Variants in RGS7 observed in about 807,000 individuals in gnomAD.
The protein encoded by RGS7 is regulator of G protein signaling 7.
Under a neutral mutation model 81.1 loss-of-function variants are expected in RGS7, and 27 were observed. The ratio of observed to expected loss-of-function variants is 0.33; its 90% CI spans 0.25 to 0.46. The LOEUF is 0.46. Ranked by LOEUF, RGS7 falls within the 20% of genes least tolerant of loss-of-function variation. The pLI is 1.00. For synonymous variants in RGS7, 208 were observed against 207.7 expected (o/e 1.00, Z -0.01); for missense variants, 396 against 607.4 (o/e 0.65, Z 3.66).
At chr1:241,290,308 T>A (rs2079023305) in intron 2 of RGS7, among the ~76,000 whole-genome samples, 1 of 152,214 alleles carries the variant, frequency 6.6e-6, no homozygotes, top group East Asian at 1.9e-4. Flanking sequence ...AAAGAACGTG[T>A]GCATATTTCC....
intron 18 of RGS7, among the ~76,000 whole-genome samples, chr1:240,779,727 G>A (rs1683653474): frequency 6.6e-6 from 1 of 152,164 alleles, no homozygotes; most frequent in Non-Finnish European, 1.5e-5. Context: ...TTCCTCATCT[G>A]TAAAATGAGG....
At chr1:241,134,225 C>T (rs888438180) in intron 2 of RGS7, among the ~76,000 whole-genome samples, 1 of 152,220 alleles carries the variant, frequency 6.6e-6, no homozygotes, top group South Asian at 2.1e-4. Flanking sequence ...CAACGAAGAA[C>T]AGCCATCCTC....
chr1:241,126,148 A>ATTTAT (rs769195465), intron 2 of RGS7, among the ~76,000 whole-genome samples: 1 of 146,446 alleles, frequency 6.8e-6, no homozygotes, highest in African/African-American at 2.5e-5. Context: ...TTATTTATTT[A>ATTTAT]TTATTATTAT....
At chr1:241,074,779 C>A (rs1265397351) in intron 3 of RGS7, among the ~76,000 whole-genome samples, 1 of 152,066 alleles carries the variant, frequency 6.6e-6, no homozygotes, top group Non-Finnish European at 1.5e-5. Context: ...CAAAGGAAAT[C>A]CAAGGAAATG....
At chr1:241,197,253 T>TAATCTCAAAGTAGATGG (rs2073150697) in intron 2 of RGS7, among the ~76,000 whole-genome samples, 2 of 36,120 alleles carry the variant, frequency 5.5e-5, no homozygotes, top group East Asian at 1.0e-3. Flanking sequence ...CAAAGTATCT[T>TAATCTCAAAGTAGATGG]TTTTTTTTTT....
chr1:241,072,357 C>A (rs1558675882), intron 3 of RGS7, among the ~76,000 whole-genome samples: 5 of 152,162 alleles, frequency 3.3e-5, no homozygotes, highest in Non-Finnish European at 7.3e-5. Flanking sequence ...TGGAACATGG[C>A]ATGATGAGCA....
intron 13 of RGS7, among the ~76,000 whole-genome samples, chr1:240,812,561 G>C (rs1474898884): frequency 6.6e-6 from 1 of 151,148 alleles, no homozygotes; most frequent in Non-Finnish European, 1.5e-5. Context: ...CAGCCTCCCG[G>C]GTAGCTGGTA....
chr1:241,265,019 G>A lies in RGS7; in HGVS notation c.78+90680C>T, dbSNP rs530426867. Among the ~76,000 whole-genome samples, 11 of 152,306 alleles carry A rather than the reference G, an allele frequency of 7.2e-5. No homozygotes were observed. The South Asian group carries it at 2.1e-3, about 29-fold the overall frequency. On this transcript the variant is annotated intron_variant, in intron 2 of 18. Transcript: ENST00000440928. ...GCCCAGTTTCTGCTTTTCTCTGAGTGGCGGCCTTCAGTTCCCTTCCAGCCC... is the reference window on the plus strand; with the variant it reads ...GCCCAGTTTCTGCTTTTCTCTGAGTAGCGGCCTTCAGTTCCCTTCCAGCCC...
intron 6 of RGS7, among the ~76,000 whole-genome samples, chr1:240,907,112 G>A (rs1374767970): frequency 6.6e-6 from 1 of 152,018 alleles, no homozygotes; most frequent in African/African-American, 2.4e-5. Context: ...CTGTTGAATG[G>A]GATGCTAGAT....
chr1:241,144,970 T>TGTGTGTG lies in RGS7; in HGVS notation c.79-46209_79-46208insCACACAC. Among the ~76,000 whole-genome samples the TGTGTGTG allele has an allele frequency of 6.6e-6, 1 of 151,364 alleles. No individual in the cohort carries two copies. Among genetic ancestry groups the TGTGTGTG allele is most frequent in the African/African-American group, 2.4e-5 (1 of 41,156 alleles). On this transcript the variant is annotated intron_variant, in intron 2 of 18. Coordinates refer to ENST00000440928, the MANE Select transcript of RGS7 (RefSeq NM_001364886.1). This position sits in a 1 kb window ranked among gnomAD's most constrained non-coding sequence, Gnocchi z 4.7. Reference sequence around the variant, plus strand: ...GTGTGTGTGTGTGTGTGTGTTCGTGTTCATTCTTCCTGTTCCTGTTTTCCC... The same window carrying TGTGTGTG: ...GTGTGTGTGTGTGTGTGTGTTCGTGTGTGTGTGTCATTCTTCCTGTTCCTGTTTTCCC...
At position 241,271,003 on chromosome 1, in the gene RGS7, C is replaced by T. The variant is rs945854846; in HGVS notation, c.78+84696G>A. On this transcript the variant is annotated intron_variant, in intron 2 of 18. Transcript: ENST00000440928. This position sits in a 1 kb window ranked among gnomAD's most constrained non-coding sequence, Gnocchi z 4.6. ...CAATCTCCTGACCTCGTGATCCGCCCGTCTCAGCCTCCCAAAGTGCTGGGA... is the reference window on the plus strand; with the variant it reads ...CAATCTCCTGACCTCGTGATCCGCCTGTCTCAGCCTCCCAAAGTGCTGGGA... Among the ~76,000 whole-genome samples the T allele has an allele frequency of 6.6e-6, 1 of 152,098 alleles. No homozygotes were observed. Among genetic ancestry groups the T allele is most frequent in the Non-Finnish European group, 1.5e-5 (1 of 68,024 alleles).
chr1:241,049,813 T>C (rs2061152391), intron 3 of RGS7, among the ~76,000 whole-genome samples: 1 of 152,182 alleles, frequency 6.6e-6, no homozygotes, highest in Admixed American at 6.5e-5. Context: ...ATGTATCTGG[T>C]TTGTCTCCAG....
intron 6 of RGS7, among the ~76,000 whole-genome samples, chr1:240,923,257 TA>T (rs1306257335): frequency 1.3e-5 from 2 of 152,076 alleles, no homozygotes; most frequent in Non-Finnish European, 2.9e-5. Flanking sequence ...GGATAAATGT[TA>T]TACATTTCTG....
chr1:240,975,704 TA>T (rs1190754127), intron 4 of RGS7, among the ~76,000 whole-genome samples: 1 of 152,264 alleles, frequency 6.6e-6, no homozygotes, highest in East Asian at 1.9e-4. Context: ...CTCAAAATAT[TA>T]TCCATAATTA....
At chr1:240,875,731 A>T (rs529893058) in intron 6 of RGS7, among the ~76,000 whole-genome samples, 1 of 152,222 alleles carries the variant, frequency 6.6e-6, no homozygotes, top group African/African-American at 2.4e-5. Flanking sequence ...AGCCATTCTT[A>T]CAAGTGTGAG....
chr1:241,110,582 C>T (rs1036382173), intron 2 of RGS7, among the ~76,000 whole-genome samples: 3 of 151,960 alleles, frequency 2.0e-5, no homozygotes, highest in Non-Finnish European at 2.9e-5. Context: ...GCAGGAAGGA[C>T]ATAAAAAAAG....
chr1:241,131,940 A>G (rs1276490418), intron 2 of RGS7, among the ~76,000 whole-genome samples: 1 of 152,226 alleles, frequency 6.6e-6, no homozygotes, highest in Non-Finnish European at 1.5e-5. Flanking sequence ...CCCGTTAAGA[A>G]GAGATGATGC....
At chr1:241,173,318 T>C (rs960922167) in intron 2 of RGS7, among the ~76,000 whole-genome samples, 1 of 152,226 alleles carries the variant, frequency 6.6e-6, no homozygotes, top group Non-Finnish European at 1.5e-5. Context: ...TAAAGATGGC[T>C]TGCCTGTCTT....
chr1:241,342,300 A>G (rs1304628227), intron 2 of RGS7, among the ~76,000 whole-genome samples: 1 of 152,208 alleles, frequency 6.6e-6, no homozygotes, highest in Admixed American at 6.5e-5. Flanking sequence ...TAGGCCCATC[A>G]GCACACCAGC....
Sources: gnomAD v4.1 joint callset for allele counts (sites outside exome capture counted in the v4.1 genomes callset) on GRCh38, gnomAD v4.1.1 for gene constraint, Gnocchi (gnomAD v3.1) non-coding constraint, MANE v1.5 for transcripts, NCBI Gene and HGNC (gene_info 2026-07-23, HGNC 2026-07-21) for gene names.